The following DDAH1 variants were observed in gnomAD, a reference collection of about 807,000 sequenced individuals.
DDAH1 encodes N(G),N(G)-dimethylarginine dimethylaminohydrolase 1.
A neutral mutation model predicts 28.8 loss-of-function variants in DDAH1; 19 were observed. The ratio of observed to expected loss-of-function variants is 0.66; its 90% CI spans 0.46 to 0.97. DDAH1 has a LOEUF of 0.97. Ranked by LOEUF, DDAH1 falls within the 50% of genes least tolerant of loss-of-function variation. The pLI is 0.00. For missense variants in DDAH1, 326 were observed against 375.9 expected (o/e 0.87, Z 1.10); for synonymous variants, 153 against 154.4 (o/e 0.99, Z 0.07).
intron 1 of DDAH1, among the ~76,000 whole-genome samples, chr1:85,572,453 A>G (rs988352291): frequency 6.6e-6 from 1 of 152,198 alleles, no homozygotes; most frequent in African/African-American, 2.4e-5. Context: ...ATTCTGCTCT[A>G]CCTTAACAAC....
intron 1 of DDAH1, among the ~76,000 whole-genome samples, chr1:85,548,610 A>T (rs1029108369): frequency 6.6e-6 from 1 of 152,220 alleles, no homozygotes; most frequent in Non-Finnish European, 1.5e-5. Flanking sequence ...GACTTTCAGC[A>T]AGCCAGGTGC....
At chr1:85,514,475 C>T (rs1398009616) in intron 1 of DDAH1, among the ~76,000 whole-genome samples, 14 of 149,436 alleles carry the variant, frequency 9.4e-5, no homozygotes, top group African/African-American at 3.5e-4. Flanking sequence ...CACATGTATA[C>T]CTATGTATCA....
intron 1 of DDAH1, among the ~76,000 whole-genome samples, chr1:85,556,658 G>A (rs1658979039): frequency 6.6e-6 from 1 of 152,074 alleles, no homozygotes; most frequent in African/African-American, 2.4e-5. Context: ...AGGAGATATA[G>A]GATTTATTAC....
At chr1:85,507,798 C>G (rs1011447171) in intron 1 of DDAH1, among the ~76,000 whole-genome samples, 4 of 152,244 alleles carry the variant, frequency 2.6e-5, no homozygotes, top group Admixed American at 1.3e-4. Context: ...CTTCTCCCCA[C>G]ATAAAAATGA....
intron 2 of DDAH1, among the ~76,000 whole-genome samples, chr1:85,471,812 C>A (rs1484394567): frequency 6.6e-6 from 1 of 152,226 alleles, no homozygotes; most frequent in African/African-American, 2.4e-5. Context: ...AAAGCTCAAC[C>A]TTCTCTGGTC....
intron 1 of DDAH1, among the ~76,000 whole-genome samples, chr1:85,556,083 CCTCCTCCTCCTT>C (rs71075844): frequency 1.7e-4 from 25 of 148,102 alleles, no homozygotes; most frequent in African/African-American, 2.2e-4. Flanking sequence ...GCCGCCGCCT[CCTCCTCCTCCTT>C]CTCCTCCTCC....
chr1:85,392,860 C>T (rs907534312), intron 1 of DDAH1, among the ~76,000 whole-genome samples: 5 of 151,480 alleles, frequency 3.3e-5, no homozygotes, highest in Non-Finnish European at 7.4e-5. Flanking sequence ...CTGACACTTC[C>T]CATTTTGAGG....
intron 1 of DDAH1, chr1:85,380,625 A>T (rs559602480): frequency 1.6e-4 from 25 of 152,238 alleles, no homozygotes; most frequent in Non-Finnish European, 3.2e-4. Flanking sequence ...GACTAGCACA[A>T]GGTCTCTTAT....
chr1:85,325,354 TGCGCGCGC>T (rs10666315), intron 4 of DDAH1, among the ~76,000 whole-genome samples: 4 of 151,150 alleles, frequency 2.6e-5, no homozygotes, highest in African/African-American at 7.3e-5. Flanking sequence ...TGCACGTGCG[TGCGCGCGC>T]GCGCGCACAC....
intron 5 of DDAH1, 52 bp downstream of exon 5, chr1:85,324,688 A>G (rs1570370140): frequency 6.8e-6 from 11 of 1,606,296 alleles, no homozygotes; most frequent in Non-Finnish European, 9.4e-6. Context: ...TTATGAAAAA[A>G]TCCCCAGGGA....
upstream of DDAH1, among the ~76,000 whole-genome samples, chr1:85,467,025 C>T (rs1242571169): frequency 2.6e-5 from 4 of 151,274 alleles, no homozygotes; most frequent in Non-Finnish European, 5.9e-5. Flanking sequence ...TTAGTAGAGA[C>T]GGAGTTTCTC....
At chr1:85,343,289 G>C (rs1017775205) in intron 4 of DDAH1, among the ~76,000 whole-genome samples, 1 of 152,040 alleles carries the variant, frequency 6.6e-6, no homozygotes, top group African/African-American at 2.4e-5. Flanking sequence ...TGGCTGTTTT[G>C]GTGTCATAGC....
chr1:85,512,782 C>T (rs1657294430), intron 1 of DDAH1, among the ~76,000 whole-genome samples: 1 of 152,084 alleles, frequency 6.6e-6, no homozygotes, highest in East Asian at 1.9e-4. Context: ...ACCTAGGAAT[C>T]CAACTTACAA....
At chr1:85,429,209 C>T (rs1490825195) in intron 1 of DDAH1, among the ~76,000 whole-genome samples, 1 of 151,562 alleles carries the variant, frequency 6.6e-6, no homozygotes. Context: ...TGTTCCCCTC[C>T]CTGTGTCCAT....
At position 85,526,647 on chromosome 1, in the gene DDAH1, G is replaced by A. The variant is rs551567646; in HGVS notation, c.-122-30366C>T. Among the ~76,000 whole-genome samples, 9 of 148,654 alleles carry A rather than the reference G, an allele frequency of 6.1e-5. No individual in the cohort carries two copies. The East Asian group carries it at 1.8e-3, about 29-fold the overall frequency. Reference sequence around the variant, plus strand: ...GATACCAAGAGAAGGGGCTGAGTTGGGAAGAAGGGGGTAAAGAGAATTCTA... The same window carrying A: ...GATACCAAGAGAAGGGGCTGAGTTGAGAAGAAGGGGGTAAAGAGAATTCTA... On this transcript the variant is annotated intron_variant, in intron 1 of 6. Coordinates refer to the DDAH1 transcript ENST00000426972.
Position 85,321,250 on chromosome 1 carries a change from C to T in DDAH1, c.*202G>A. 2.0e-6 allele frequency: 1 copy of T among 498,256 alleles called. No individual in the cohort carries two copies. 30.9% of individuals were successfully genotyped at this position (498,256 alleles called of 1,614,324 possible). On this transcript the variant is annotated 3_prime_UTR_variant, in exon 6 of 6. Transcript: ENST00000284031. ...CTTCTAGGTTGCTTAATTCATTTAG[C>T]AAATCCACAGCTTAGGTACCACCTC...
Position 85,432,303 on chromosome 1 carries a change from G to A in DDAH1, c.303+32440C>T, listed in dbSNP as rs1251699165. Among the ~76,000 whole-genome samples the A allele has an allele frequency of 7.9e-5, 12 of 152,136 alleles. No individual in the cohort carries two copies. The East Asian group carries it at 1.9e-3, about 24-fold the overall frequency. ...TTTTCCACAGGCTAACAGGTACATGGTTAAGCAGGCCCTCAGCTAGCTAGT... is the reference window on the plus strand; with the variant it reads ...TTTTCCACAGGCTAACAGGTACATGATTAAGCAGGCCCTCAGCTAGCTAGT... On this transcript the variant is annotated intron_variant, in intron 1 of 5. Coordinates refer to ENST00000284031, the MANE Select transcript of DDAH1 (RefSeq NM_012137.4).
At position 85,443,048 on chromosome 1, in the gene DDAH1, A is replaced by G. The variant is rs562612919; in HGVS notation, c.303+21695T>C. ...TAGTTTAATTAGATCCCATTTGTCAATTTTGGCTTTTGTTGCCATTGCTTT... is the reference window on the plus strand; with the variant it reads ...TAGTTTAATTAGATCCCATTTGTCAGTTTTGGCTTTTGTTGCCATTGCTTT... On this transcript the variant is annotated intron_variant, in intron 1 of 5. Coordinates refer to ENST00000284031, the MANE Select transcript of DDAH1 (RefSeq NM_012137.4). Among the ~76,000 whole-genome samples the G allele has an allele frequency of 1.1e-3, 162 of 152,238 alleles. 1 individual carries two copies. The highest frequency in any genetic ancestry group is 3.8e-3 in the African/African-American group (158 of 41,562).
chr1:85,326,803 A>G (rs1366803396), intron 4 of DDAH1, among the ~76,000 whole-genome samples: 1 of 152,222 alleles, frequency 6.6e-6, no homozygotes, highest in Non-Finnish European at 1.5e-5. Context: ...GGGCTCACCT[A>G]TGGAGTGGGT....
Sources: gnomAD v4.1 joint callset for allele counts (sites outside exome capture counted in the v4.1 genomes callset) on GRCh38, gnomAD v4.1.1 for gene constraint, MANE v1.5 for transcripts, NCBI Gene and HGNC (gene_info 2026-07-23, HGNC 2026-07-21) for gene names.